The following RABEP1 variants were observed in gnomAD, a reference collection of about 807,000 sequenced individuals.
The protein encoded by RABEP1 is rabaptin, RAB GTPase binding effector protein 1.
Under a neutral mutation model 123.4 loss-of-function variants are expected in RABEP1, and 51 were observed. The observed-to-expected ratio is 0.41, with a 90% confidence interval of 0.33 to 0.52. The LOEUF (loss-of-function observed/expected upper bound fraction) is 0.52, where lower values mean the gene tolerates loss of function less well. Among genes scored for constraint, RABEP1 ranks in the 20% least tolerant of loss-of-function variants. The probability of loss-of-function intolerance (pLI) is 0.16; values close to 1 mark genes in which losing one functional copy is unlikely to be tolerated. For synonymous variants in RABEP1, 347 were observed against 355.2 expected (o/e 0.98, Z 0.26); for missense variants, 888 against 996.3 (o/e 0.89, Z 1.46).
intron 13 of RABEP1, among the ~76,000 whole-genome samples, chr17:5,374,756 C>G (rs957137797): frequency 6.6e-6 from 1 of 152,240 alleles, no homozygotes; most frequent in Non-Finnish European, 1.5e-5. Flanking sequence ...TCTCCTGCCT[C>G]AGCTTCCTGA....
rs1907255880 is a variant in RABEP1, at chr17:5,338,076, G to T, written c.586G>T (p.Ala196Ser). 1.9e-6 allele frequency: 3 copies of T among 1,613,526 alleles called. No homozygotes were observed. The highest frequency in any genetic ancestry group is 2.7e-5 in the African/African-American group (2 of 74,930). Residue 196 changes from alanine to serine, a missense_variant, in exon 5 of 18, where the codon GCA becomes TCA. Coordinates refer to ENST00000537505, the MANE Select transcript of RABEP1 (RefSeq NM_004703.6). Reference sequence around the variant, plus strand: ...TGTGATGCCAATGGAAAAGGAAATTGCAGCTTTGAAGGATAAACTGACAGA... The same window carrying T: ...TGTGATGCCAATGGAAAAGGAAATTTCAGCTTTGAAGGATAAACTGACAGA... ...SVVMPMEKEI[A>S]ALKDKLTEAE...
intron 2 of RABEP1, among the ~76,000 whole-genome samples, chr17:5,323,639 C>T (rs2144573231): frequency 6.8e-6 from 1 of 146,340 alleles, no homozygotes; most frequent in South Asian, 2.2e-4. Context: ...ACCATCTTTC[C>T]ATTTGTATGT....
Position 5,386,335 on chromosome 17 carries a change from T to C in RABEP1, c.*3112T>C, listed in dbSNP as rs898321808. ...AACCATTTATATGGATTCTTAAGAATTTAAACTGGTAATGTTGAAACATCT... is the reference window on the plus strand; with the variant it reads ...AACCATTTATATGGATTCTTAAGAACTTAAACTGGTAATGTTGAAACATCT... On this transcript the variant is annotated 3_prime_UTR_variant, in exon 18 of 18. Coordinates refer to ENST00000537505, the MANE Select transcript of RABEP1 (RefSeq NM_004703.6). The C allele has an allele frequency of 1.6e-6, 2 of 1,220,502 alleles. No individual in the cohort carries two copies. The highest frequency in any genetic ancestry group is 2.4e-6 in the Non-Finnish European group (2 of 847,710). 75.6% of individuals were successfully genotyped at this position (1,220,502 alleles called of 1,614,324 possible).
chr17:5,363,202 CTTTT>C (rs560141702), intron 10 of RABEP1, among the ~76,000 whole-genome samples, 186 bp downstream of exon 10: 1 of 135,640 alleles, frequency 7.4e-6, no homozygotes, highest in Non-Finnish European at 1.6e-5. Context: ...TAGGACTCTG[CTTTT>C]TTTTTTTTTG....
chr17:5,350,438 G>A lies in RABEP1; in HGVS notation c.785-13G>A, dbSNP rs767191280. 1.3e-6 allele frequency: 2 copies of A among 1,593,270 alleles called. No individual in the cohort carries two copies. The highest frequency in any genetic ancestry group is 2.3e-5 in the South Asian group (2 of 87,182). The stretch of plus-strand genomic sequence containing the variant: ...CAGTGTTTTTGATTTGTGGTGGGGG[G>A]GTTCCTAAACAGTTTGCCATCTCTT... On this transcript the variant is annotated splice_polypyrimidine_tract_variant and intron_variant, in intron 6 of 17. Coordinates refer to ENST00000537505, the MANE Select transcript of RABEP1 (RefSeq NM_004703.6).
intron 2 of RABEP1, among the ~76,000 whole-genome samples, chr17:5,331,027 CTTTTTTTTTT>C (rs1187502263): frequency 2.1e-4 from 18 of 87,050 alleles, no homozygotes; most frequent in East Asian, 8.2e-4. Flanking sequence ...TATCTCTTAA[CTTTTTTTTTT>C]TTTTTTTTTT....
intron 2 of RABEP1, among the ~76,000 whole-genome samples, chr17:5,310,381 C>G (rs375840608): frequency 1.4e-5 from 2 of 141,626 alleles, no homozygotes; most frequent in Admixed American, 7.4e-5. Flanking sequence ...GTGGCACTAT[C>G]TCAGCTCACT....
intron 2 of RABEP1, among the ~76,000 whole-genome samples, chr17:5,318,648 G>C (rs2075321620): frequency 6.6e-6 from 1 of 152,132 alleles, no homozygotes; most frequent in East Asian, 1.9e-4. Flanking sequence ...GAATCTCTCT[G>C]AGTCTCTATT....
intron 6 of RABEP1, among the ~76,000 whole-genome samples, chr17:5,349,313 G>A (rs1299453311): frequency 6.6e-6 from 1 of 152,218 alleles, no homozygotes; most frequent in African/African-American, 2.4e-5. Flanking sequence ...TAAGTCATAA[G>A]TGCTGGTCTA....
intron 5 of RABEP1, among the ~76,000 whole-genome samples, chr17:5,344,182 G>A (rs1305855846): frequency 2.0e-5 from 3 of 152,138 alleles, no homozygotes; most frequent in Non-Finnish European, 2.9e-5. Context: ...TTGGCTGGAC[G>A]TGGTAGCTCA....
At chr17:5,337,888 GT>G in intron 4 of RABEP1, 130 bp from the exon 5 acceptor site, 1 of 942,190 alleles carries the variant, frequency 1.1e-6, no homozygotes. Flanking sequence ...CATTAGTTCA[GT>G]TTTGCGAATA....
At chr17:5,334,052 T>G (rs907789707) in intron 3 of RABEP1, among the ~76,000 whole-genome samples, 10 of 96,382 alleles carry the variant, frequency 1.0e-4, no homozygotes, top group Non-Finnish European at 2.1e-4. Context: ...ACCTAGTGGT[T>G]TTTTTTTTTT....
At chr17:5,359,895 A>C (rs995816825) in intron 8 of RABEP1, among the ~76,000 whole-genome samples, 1 of 152,212 alleles carries the variant, frequency 6.6e-6, no homozygotes, top group Non-Finnish European at 1.5e-5. Flanking sequence ...TAACTATGCA[A>C]CTGCTTCATG....
intron 5 of RABEP1, among the ~76,000 whole-genome samples, chr17:5,339,282 T>G (rs1365982133): frequency 6.6e-6 from 1 of 152,246 alleles, no homozygotes; most frequent in Non-Finnish European, 1.5e-5. Context: ...GATTATCACA[T>G]TGGATTGTAA....
intron 17 of RABEP1, 87 bp downstream of exon 17, chr17:5,381,592 T>TTTA (rs1911458004): frequency 6.6e-7 from 1 of 1,507,204 alleles, no homozygotes. Context: ...CCACTGGCAG[T>TTTA]AGCTAGAGGT....
intron 2 of RABEP1, among the ~76,000 whole-genome samples, chr17:5,319,125 T>C (rs1447585437): frequency 6.6e-6 from 1 of 151,286 alleles, no homozygotes; most frequent in Non-Finnish European, 1.5e-5. Flanking sequence ...AGGTCGGGGG[T>C]TCCAGACCAT....
intron 11 of RABEP1, among the ~76,000 whole-genome samples, chr17:5,367,836 C>G (rs762474090): frequency 1.9e-4 from 29 of 150,634 alleles, no homozygotes; most frequent in Non-Finnish European, 8.9e-5. Flanking sequence ...CTCACTGCAA[C>G]CTCTGCCTCC....
intron 7 of RABEP1, among the ~76,000 whole-genome samples, chr17:5,351,709 G>C (rs747446781): frequency 6.6e-6 from 1 of 152,144 alleles, no homozygotes; most frequent in African/African-American, 2.4e-5. Context: ...GGCTGAGGTG[G>C]GAGGATCACT....
intron 2 of RABEP1, among the ~76,000 whole-genome samples, chr17:5,311,804 C>G (rs191277258): frequency 7.3e-5 from 11 of 151,322 alleles, no homozygotes; most frequent in Admixed American, 3.3e-4. Context: ...TCGTTAATCT[C>G]TGGATGCATA....
Sources: allele counts gnomAD v4.1 joint callset (sites outside exome capture counted in the v4.1 genomes callset), GRCh38; gene constraint gnomAD v4.1.1; transcripts MANE v1.5; gene names NCBI Gene and HGNC (gene_info 2026-07-23, HGNC 2026-07-21).